IRF2BP2: variants seen among roughly 807,000 people sequenced by gnomAD.
IRF2BP2 encodes the protein interferon regulatory factor 2 binding protein 2, also known as interferon regulatory factor 2-binding protein 2.
IRF2BP2 carries 13 observed loss-of-function variants against 32.7 expected under a neutral mutation model. That is an observed-to-expected ratio of 0.40 (90% CI 0.26 to 0.63). The LOEUF is 0.63. Ranked by LOEUF, IRF2BP2 falls within the 30% of genes least tolerant of loss-of-function variation. The pLI is 0.42. For missense variants in IRF2BP2, 980 were observed against 830.6 expected (o/e 1.18, Z -2.21); for synonymous variants, 555 against 384.6 (o/e 1.44, Z -5.18).
Position 234,608,635 on chromosome 1 carries a change from G to C in IRF2BP2, c.860C>G (p.Ala287Gly). Reference sequence around the variant, plus strand: ...CTCTCCAGACCCGCGGCTCTTGCCCGCACCTTCCGCGCTCAGCTCGGCGGC... The same window carrying C: ...CTCTCCAGACCCGCGGCTCTTGCCCCCACCTTCCGCGCTCAGCTCGGCGGC... ...AGAAELSAEG[A>G]GKSRGSGEQD... Residue 287 changes from alanine (A) to glycine (G), a missense_variant, in exon 1 of 2, where the codon GCG (alanine) becomes GGG (glycine). Transcript: ENST00000366609. 1 of 1,557,832 alleles carries C rather than the reference G, an allele frequency of 6.4e-7. No individual in the cohort carries two copies.
rs1672160758 is a variant in IRF2BP2, at chr1:234,606,422, G to C, written c.*715C>G. 6.6e-6 allele frequency: 1 copy of C among 151,022 alleles called. No homozygotes were observed. Among genetic ancestry groups the C allele is most frequent in the African/African-American group, 2.4e-5 (1 of 40,964 alleles). The allele number at this position is 151,022 out of a possible 1,614,324, so 9.4% of individuals were successfully genotyped here. The stretch of plus-strand genomic sequence containing the variant: ...CATGCAGCATTGTAATCTTACAACT[G>C]ATCACGTGGACAGTGAACAGCGGTC... On this transcript the variant is annotated 3_prime_UTR_variant, in exon 2 of 2. Transcript: ENST00000366609.
chr1:234,609,633 AGGCGGCGGC>A lies in IRF2BP2; in HGVS notation c.-148_-140del, dbSNP rs952821060. On this transcript the variant is annotated 5_prime_UTR_variant, in exon 1 of 2. Coordinates refer to ENST00000366609, the MANE Select transcript of IRF2BP2 (RefSeq NM_182972.3). ...CCACCAGCGGCGGCGGCGGCCGCAA[AGGCGGCGGC>A]GGCGGCGGCAAAGCCCGCGAAGGCT... 6 of 316,844 alleles carry A rather than the reference AGGCGGCGGC, an allele frequency of 1.9e-5. No homozygotes were observed. Among genetic ancestry groups the A allele is most frequent in the Non-Finnish European group, 3.1e-5 (6 of 192,998 alleles). 19.6% of individuals were successfully genotyped at this position (316,844 alleles called of 1,614,324 possible). A position where few individuals can be genotyped will look rare whatever the true frequency, so the allele number is the denominator to read the frequency against.
chr1:234,607,814 G>A lies in IRF2BP2; in HGVS notation c.1087C>T (p.Pro363Ser), dbSNP rs773862476. Residue 363 changes from proline to serine, a missense_variant, in exon 2 of 2, where the codon CCA becomes TCA. By Grantham distance (74) the Pro-to-Ser change is moderately conservative. Coordinates refer to ENST00000366609, the MANE Select transcript of IRF2BP2 (RefSeq NM_182972.3). Reference protein sequence around the residue: ...TARKRKPSPEPEGEVGPPKIN... With the variant: ...TARKRKPSPESEGEVGPPKIN... ...TTAGGGGGCCCGACTTCACCTTCTG[G>A]TTCTGGAGAGGGCTTCCTTTTCCTT... is the stretch of plus-strand genomic sequence containing the variant. The A allele has an allele frequency of 6.2e-7, 1 of 1,601,246 alleles. No homozygotes were observed. Among genetic ancestry groups the A allele is most frequent in the Admixed American group, 1.7e-5 (1 of 58,330 alleles).
Position 234,606,897 on chromosome 1 carries a change from A to G in IRF2BP2, c.*240T>C, listed in dbSNP as rs1672175240. 2.7e-6 allele frequency: 1 copy of G among 364,976 alleles called. No individual in the cohort carries two copies. The highest frequency in any genetic ancestry group is 4.2e-5 in the Admixed American group (1 of 23,906). The allele number at this position is 364,976 out of a possible 1,614,324, so 22.6% of individuals were successfully genotyped here. On this transcript the variant is annotated 3_prime_UTR_variant, in exon 2 of 2. Coordinates refer to ENST00000366609, the MANE Select transcript of IRF2BP2 (RefSeq NM_182972.3). The stretch of plus-strand genomic sequence containing the variant: ...GAACGGTAACTGTCACCAGGATAAT[A>G]AAGCACAAAGATATGCTAATAACGT...
At chr1:234,608,192 C>T in intron 1 of IRF2BP2, 1 of 526,344 alleles carries the variant, frequency 1.9e-6, no homozygotes, top group Non-Finnish European at 3.3e-6. Context: ...TGCCCTCATG[C>T]TCCCATCCAA....
At chr1:234,608,177 A>T in intron 1 of IRF2BP2, 1 of 521,022 alleles carries the variant, frequency 1.9e-6, no homozygotes, top group Non-Finnish European at 3.4e-6. Context: ...TTAAAAGGTG[A>T]CTGGTGCCCT....
chr1:234,609,468 G>A lies in IRF2BP2; in HGVS notation c.27C>T (p.Ala9=). Reference sequence around the variant, plus strand: ...GGTAGCACGACTGCCGCCGGGACGCGGCCGCCACCGCCACCGCCGCGGCCA... The same window carrying A: ...GGTAGCACGACTGCCGCCGGGACGCAGCCGCCACCGCCACCGCCGCGGCCA... The part of the protein sequence containing the change: MAAAVAVA[A]ASRRQSCYLC... Residue 9 remains alanine (A), a synonymous_variant, in exon 1 of 2, where the codon GCC becomes GCT. Transcript: ENST00000366609. 6.6e-7 allele frequency: 1 copy of A among 1,513,594 alleles called. No homozygotes were observed. The allele number at this position is 1,513,594 out of a possible 1,614,324, so 93.8% of individuals were successfully genotyped here.
intron 1 of IRF2BP2, 184 bp from the exon 2 acceptor site, chr1:234,608,036 G>A (rs1413560666): frequency 3.4e-6 from 2 of 580,998 alleles, no homozygotes; most frequent in Non-Finnish European, 6.0e-6. Flanking sequence ...AGGCGTACGG[G>A]ATTCTGAGGC....
chr1:234,604,653 T>A lies in IRF2BP2; in HGVS notation c.*2484A>T, dbSNP rs917593695. 6.6e-6 allele frequency: 1 copy of A among 152,170 alleles called. No homozygotes were observed. The highest frequency in any genetic ancestry group is 2.4e-5 in the African/African-American group (1 of 41,434). 9.4% of individuals were successfully genotyped at this position (152,170 alleles called of 1,614,324 possible). ...AAAAAGGGAAAGCTTCAACACCCCATCCCCTAATATTTTGAGTATTAAAAG... is the reference window on the plus strand; with the variant it reads ...AAAAAGGGAAAGCTTCAACACCCCAACCCCTAATATTTTGAGTATTAAAAG... On this transcript the variant is annotated 3_prime_UTR_variant, in exon 2 of 2. Coordinates refer to ENST00000366609, the MANE Select transcript of IRF2BP2 (RefSeq NM_182972.3).
rs2102770749 is a variant in IRF2BP2, at chr1:234,609,671, C to G, written c.-177G>C. ...GGCGGCAAAGCCCGCGAAGGCTCGG[C>G]GCCCGCGCAGCGCCCCCGGTGCACG... On this transcript the variant is annotated 5_prime_UTR_variant, in exon 1 of 2. Coordinates refer to ENST00000366609, the MANE Select transcript of IRF2BP2 (RefSeq NM_182972.3). 1 of 180,756 alleles carries G rather than the reference C, an allele frequency of 5.5e-6. No homozygotes were observed. The highest frequency in any genetic ancestry group is 1.1e-5 in the Non-Finnish European group (1 of 91,338). The allele number at this position is 180,756 out of a possible 1,614,324, so 11.2% of individuals were successfully genotyped here.
Position 234,607,519 on chromosome 1 carries a change from G to A in IRF2BP2, c.1382C>T (p.Pro461Leu), listed in dbSNP as rs753471140. The change falls in exon 2 of 2, where the codon CCG becomes CTG. Residue 461 changes from proline (P) to leucine (L), a missense_variant. Transcript: ENST00000366609. ...TRRNSNSPPS[P>L]SSMNQRRLGP... ...CAGCCTTCTTTGGTTCATAGAGGAC[G>A]GAGAGGGCGGACTGTTGCTATTCCT... 2.5e-6 allele frequency: 4 copies of A among 1,613,988 alleles called. No homozygotes were observed. The highest frequency in any genetic ancestry group is 2.2e-5 in the East Asian group (1 of 44,900).
intron 1 of IRF2BP2, 121 bp from the exon 2 acceptor site, chr1:234,607,973 G>A (rs887196450): frequency 1.4e-5 from 11 of 776,486 alleles, no homozygotes; most frequent in East Asian, 5.4e-5. Context: ...TAAAAGCACA[G>A]ACAGAAAATA....
chr1:234,609,347 C>A lies in IRF2BP2; in HGVS notation c.148G>T (p.Glu50Ter). ...CVNYEGADRVEFVIETARQLK... is the reference protein window; with the variant it reads ...CVNYEGADRV ...TGCCGCGCCGTCTCGATGACGAACT[C>A]GACGCGGTCGGCGCCCTCGTAGTTG... is the stretch of plus-strand genomic sequence containing the variant. Residue 50 changes from glutamate to a stop codon, truncating the protein, a stop_gained, in exon 1 of 2, where the codon GAG (glutamate) becomes TAG (stop). Coordinates refer to ENST00000366609, the MANE Select transcript of IRF2BP2 (RefSeq NM_182972.3). LOFTEE classifies it high-confidence loss of function. The A allele has an allele frequency of 6.5e-7, 1 of 1,537,370 alleles. No individual in the cohort carries two copies. The highest frequency in any genetic ancestry group is 1.2e-5 in the South Asian group (1 of 83,040).
Position 234,606,976 on chromosome 1 carries a change from A to T in IRF2BP2, c.*161T>A, listed in dbSNP as rs572300800. The T allele has an allele frequency of 1.7e-6, 1 of 589,880 alleles. No individual in the cohort carries two copies. Among genetic ancestry groups the T allele is most frequent in the Admixed American group, 3.1e-5 (1 of 32,284 alleles). The allele number at this position is 589,880 out of a possible 1,614,324, so 36.5% of individuals were successfully genotyped here. A position where few individuals can be genotyped will look rare whatever the true frequency, so the allele number is the denominator to read the frequency against. ...TACATACCTTTTGTCGTCAAAAAAA[A>T]TATAGAAACACAATGTATTCAAAAA... On this transcript the variant is annotated 3_prime_UTR_variant, in exon 2 of 2. Coordinates refer to ENST00000366609, the MANE Select transcript of IRF2BP2 (RefSeq NM_182972.3).
Position 234,607,442 on chromosome 1 carries a change from G to A in IRF2BP2, c.1459C>T (p.Pro487Ser), listed in dbSNP as rs758362886. The A allele has an allele frequency of 6.2e-7, 1 of 1,613,994 alleles. No individual in the cohort carries two copies. The highest frequency in any genetic ancestry group is 1.3e-5 in the African/African-American group (1 of 74,940). ...QGAGNTGGLE[P>S]VHPASLPDSS... ...TCCGGGAGGCTGGCAGGGTGCACTG[G>A]CTCCAGTCCTCCTGTGTTGCCTGCT... Residue 487 changes from proline to serine, a missense_variant, in exon 2 of 2, where the codon CCA (proline) becomes TCA (serine). By Grantham distance (74) the Pro-to-Ser change is moderately conservative. Coordinates refer to ENST00000366609, the MANE Select transcript of IRF2BP2 (RefSeq NM_182972.3).
In IRF2BP2 at chr1:234,606,069, T is replaced by C. The variant is rs1488407871; in HGVS notation, c.*1068A>G. On this transcript the variant is annotated 3_prime_UTR_variant, in exon 2 of 2. Transcript: ENST00000366609. Reference sequence around the variant, plus strand: ...AGCACCACGCGGCTGTTACTGTCATTGTACCATACTGTATTCAGCACTCAC... The same window carrying C: ...AGCACCACGCGGCTGTTACTGTCATCGTACCATACTGTATTCAGCACTCAC... The C allele has an allele frequency of 1.3e-5, 2 of 152,248 alleles. No individual in the cohort carries two copies. Among genetic ancestry groups the C allele is most frequent in the African/African-American group, 4.8e-5 (2 of 41,468 alleles). The allele number at this position is 152,248 out of a possible 1,614,324, so 9.4% of individuals were successfully genotyped here.
rs1351384363 is a variant in IRF2BP2 at position 234,609,318 on chromosome 1, G to A, written c.177C>T (p.Leu59=). Residue 59 remains leucine, a synonymous_variant, in exon 1 of 2, where the codon CTC becomes CTT. Transcript: ENST00000366609. The part of the protein sequence containing the change: ...VEFVIETARQ[L]KRAHGCFPEG... ...CCGGGAAGCAGCCGTGCGCCCGCTT[G>A]AGCTGCCGCGCCGTCTCGATGACGA... The A allele has an allele frequency of 2.0e-6, 3 of 1,512,376 alleles. No homozygotes were observed. The highest frequency in any genetic ancestry group is 2.5e-5 in the South Asian group (2 of 80,762). 93.7% of individuals were successfully genotyped at this position (1,512,376 alleles called of 1,614,324 possible).
Position 234,608,784 on chromosome 1 carries a change from C to A in IRF2BP2, c.711G>T (p.Arg237=). 6.9e-7 allele frequency: 1 copy of A among 1,441,824 alleles called. No individual in the cohort carries two copies. Among genetic ancestry groups the A allele is most frequent in the South Asian group, 1.4e-5 (1 of 71,910 alleles). 89.3% of individuals were successfully genotyped at this position (1,441,824 alleles called of 1,614,324 possible). A position where few individuals can be genotyped will look rare whatever the true frequency, so the allele number is the denominator to read the frequency against. Residue 237 remains arginine, a synonymous_variant, in exon 1 of 2, where the codon CGG becomes CGT. Transcript: ENST00000366609. Reference sequence around the variant, plus strand: ...CAGCGCTGCTCGACACGGATGCCGGCCGCTTGTGGGCGCCCAGATCGGTGG... The same window carrying A: ...CAGCGCTGCTCGACACGGATGCCGGACGCTTGTGGGCGCCCAGATCGGTGG... ...AQPTDLGAHK[R]PASVSSSAAV...
At position 234,604,917 on chromosome 1, in the gene IRF2BP2, CTTA is replaced by C. The variant is rs1224318372; in HGVS notation, c.*2217_*2219del. On this transcript the variant is annotated 3_prime_UTR_variant, in exon 2 of 2. Transcript: ENST00000366609. ...AAAGGCCAGTCAGACTCGTGCAGATCTTATTTTTTAATAGTAGTAACCACAATA... is the reference window on the plus strand; with the variant it reads ...AAAGGCCAGTCAGACTCGTGCAGATCTTTTTTAATAGTAGTAACCACAATA... 6.6e-6 allele frequency: 1 copy of C among 152,172 alleles called. No individual in the cohort carries two copies. The highest frequency in any genetic ancestry group is 1.5e-5 in the Non-Finnish European group (1 of 68,024). The allele number at this position is 152,172 out of a possible 1,614,324, so 9.4% of individuals were successfully genotyped here. A position where few individuals can be genotyped will look rare whatever the true frequency, so the allele number is the denominator to read the frequency against.
Sources: allele counts gnomAD v4.1 joint callset, GRCh38; gene constraint gnomAD v4.1.1; transcripts MANE v1.5; gene names NCBI Gene and HGNC (gene_info 2026-07-23, HGNC 2026-07-21).